BICDL1: variants seen among roughly 807,000 people sequenced by gnomAD.
BICDL1 encodes the protein BICD family-like cargo adapter 1.
A neutral mutation model predicts 76.8 loss-of-function variants in BICDL1; 20 were observed. The ratio of observed to expected loss-of-function variants is 0.26; its 90% CI spans 0.18 to 0.38. The LOEUF is 0.38. Among genes scored for constraint, BICDL1 ranks in the 10% least tolerant of loss-of-function variants. BICDL1 has a pLI of 1.00. For missense variants in BICDL1, 700 were observed against 798.6 expected (o/e 0.88, Z 1.49); for synonymous variants, 383 against 337.1 (o/e 1.14, Z -1.49).
chr12:120,080,402 G>A (rs549287062), intron 7 of BICDL1, among the ~76,000 whole-genome samples: 1 of 152,304 alleles, frequency 6.6e-6, no homozygotes, highest in Admixed American at 6.5e-5. Flanking sequence ...AAAGCGAGCT[G>A]GGCTGTGCCA....
At chr12:120,091,205 G>GC in intron 9 of BICDL1, 1 of 1,190,156 alleles carries the variant, frequency 8.4e-7, no homozygotes, top group Non-Finnish European at 1.1e-6. Context: ...CTCTTCAGCA[G>GC]TGTGTGGCCC....
At chr12:120,000,958 A>G (rs957088488) in intron 2 of BICDL1, among the ~76,000 whole-genome samples, 1 of 152,196 alleles carries the variant, frequency 6.6e-6, no homozygotes, top group Non-Finnish European at 1.5e-5. Context: ...CACTTTGCCT[A>G]ATTTCTTATA....
chr12:120,081,199 G>A (rs1208614487), intron 8 of BICDL1, among the ~76,000 whole-genome samples, 182 bp downstream of exon 8: 1 of 117,956 alleles, frequency 8.5e-6, no homozygotes, highest in Non-Finnish European at 1.7e-5. Context: ...ACACATGCTG[G>A]TATTGAAAGT....
intron 2 of BICDL1, among the ~76,000 whole-genome samples, chr12:120,053,523 A>G (rs1292441125): frequency 6.6e-6 from 1 of 152,112 alleles, no homozygotes; most frequent in Non-Finnish European, 1.5e-5. Context: ...TTGTTTATTG[A>G]TTAAATGGTC....
intron 2 of BICDL1, among the ~76,000 whole-genome samples, chr12:120,031,447 G>T (rs1300447252): frequency 6.6e-6 from 1 of 151,942 alleles, no homozygotes; most frequent in Admixed American, 6.6e-5. Context: ...CTCGTGATCT[G>T]CCCGCCTCAG....
chr12:120,064,921 T>C, intron 4 of BICDL1, 42 bp downstream of exon 4: 2 of 1,555,970 alleles, frequency 1.3e-6, no homozygotes, highest in Non-Finnish European at 1.7e-6. Flanking sequence ...TAGAGCCAGA[T>C]AAAAGGAGCA....
chr12:120,088,956 A>G (rs6490284), intron 8 of BICDL1, among the ~76,000 whole-genome samples: 52,241 of 152,124 alleles, frequency 0.34, 12,204 homozygotes, highest in African/African-American at 0.66. Flanking sequence ...GAGCCACCGC[A>G]CCCGGCCTAC....
chr12:120,008,698 A>G (rs1951897357), intron 2 of BICDL1, among the ~76,000 whole-genome samples: 1 of 152,190 alleles, frequency 6.6e-6, no homozygotes, highest in African/African-American at 2.4e-5. Context: ...TGCCTTTTAC[A>G]TCACTAGGTA....
intron 2 of BICDL1, among the ~76,000 whole-genome samples, chr12:120,058,923 G>T (rs1383260495): frequency 6.6e-6 from 1 of 151,908 alleles, no homozygotes; most frequent in African/African-American, 2.4e-5. Context: ...CAAATGAAAT[G>T]CCTAGCATTG....
Position 120,093,934 on chromosome 12 carries a change from G to C in BICDL1, c.*773G>C, listed in dbSNP as rs1053626002. On this transcript the variant is annotated 3_prime_UTR_variant, in exon 10 of 10. Transcript: ENST00000548673. ...CAGCCCTTTCCCCTGCTCAGGGCTGGGGTTGGACGGGGTCTCCTCCTCCCA... is the reference window on the plus strand; with the variant it reads ...CAGCCCTTTCCCCTGCTCAGGGCTGCGGTTGGACGGGGTCTCCTCCTCCCA... The C allele has an allele frequency of 3.1e-6, 1 of 318,206 alleles. No homozygotes were observed. Among genetic ancestry groups the C allele is most frequent in the Non-Finnish European group, 6.3e-6 (1 of 159,204 alleles). The allele number at this position is 318,206 out of a possible 1,614,324, so 19.7% of individuals were successfully genotyped here. A position where few individuals can be genotyped will look rare whatever the true frequency, so the allele number is the denominator to read the frequency against.
rs1489762638 is a variant in BICDL1, at chr12:120,056,578, G to T, written c.646-5132G>T. On this transcript the variant is annotated intron_variant, in intron 2 of 9. Transcript: ENST00000548673. ...TACTAAAAATACAAAAATTAGCTGGGCGTGGTAGTGCGCCTGTAATCCCAG... is the reference window on the plus strand; with the variant it reads ...TACTAAAAATACAAAAATTAGCTGGTCGTGGTAGTGCGCCTGTAATCCCAG... Among the ~76,000 whole-genome samples, 4 of 152,142 alleles carry T rather than the reference G, an allele frequency of 2.6e-5. No homozygotes were observed. In the East Asian group the frequency reaches 5.8e-4, roughly 22 times the overall value.
Position 120,071,914 on chromosome 12 carries a change from T to A in BICDL1, c.1089+113T>A. ...GCAAGGCTGTGCCCCTGTGCCTGTG[T>A]CAGCCCCTTGGCCTGCTGGCTAGAG... On this transcript the variant is annotated intron_variant, in intron 5 of 9. Transcript: ENST00000548673. This position sits in a 1 kb window ranked among gnomAD's most constrained non-coding sequence, Gnocchi z 4.8. 7.1e-7 allele frequency: 1 copy of A among 1,416,252 alleles called. No homozygotes were observed. Among genetic ancestry groups the A allele is most frequent in the Non-Finnish European group, 9.2e-7 (1 of 1,087,088 alleles). 87.7% of individuals were successfully genotyped at this position (1,416,252 alleles called of 1,614,324 possible).
chr12:120,084,148 A>T (rs1183235136), intron 8 of BICDL1, among the ~76,000 whole-genome samples: 1 of 152,132 alleles, frequency 6.6e-6, no homozygotes, highest in African/African-American at 2.4e-5. Flanking sequence ...GACTACAGGC[A>T]TGTGCCACCA....
intron 9 of BICDL1, chr12:120,092,190 G>A: frequency 1.0e-6 from 1 of 985,434 alleles, no homozygotes; most frequent in Non-Finnish European, 1.2e-6. Context: ...ACCAAAATGG[G>A]AAGGGAGTGG....
At chr12:120,063,839 A>G (rs557169640) in intron 3 of BICDL1, among the ~76,000 whole-genome samples, 1 of 152,216 alleles carries the variant, frequency 6.6e-6, no homozygotes, top group East Asian at 1.9e-4. Flanking sequence ...TGATCTTTTG[A>G]GTGAAGCATC....
At chr12:120,091,762 G>T (rs1446778878) in intron 9 of BICDL1, 1 of 985,262 alleles carries the variant, frequency 1.0e-6, no homozygotes, top group Non-Finnish European at 1.2e-6. Flanking sequence ...GCTGAAACCT[G>T]CAGAGATATT....
rs1189049206 is a variant in BICDL1, at chr12:120,090,877, G to A, written c.1704+806G>A. On this transcript the variant is annotated intron_variant, in intron 9 of 9. Coordinates refer to ENST00000548673, the MANE Select transcript of BICDL1 (RefSeq NM_001367886.1). Reference sequence around the variant, plus strand: ...GCAGCCAGCTGGCCGCGCCCTGGCTGACCGCTGCTCTCTCTCTTCTCTCCC... The same window carrying A: ...GCAGCCAGCTGGCCGCGCCCTGGCTAACCGCTGCTCTCTCTCTTCTCTCCC... The A allele has an allele frequency of 4.7e-6, 6 of 1,288,660 alleles. No homozygotes were observed. The South Asian group carries it at 7.4e-5, about 16-fold the overall frequency. 79.8% of individuals were successfully genotyped at this position (1,288,660 alleles called of 1,614,324 possible). A position where few individuals can be genotyped will look rare whatever the true frequency, so the allele number is the denominator to read the frequency against.
At chr12:120,045,214 A>G (rs1050593094) in intron 2 of BICDL1, among the ~76,000 whole-genome samples, 2 of 152,224 alleles carry the variant, frequency 1.3e-5, no homozygotes, top group African/African-American at 4.8e-5. Flanking sequence ...CAAAACCACA[A>G]TGACATACCA....
At chr12:120,011,821 A>G (rs1594111596) in intron 2 of BICDL1, among the ~76,000 whole-genome samples, 1 of 152,170 alleles carries the variant, frequency 6.6e-6, no homozygotes. Context: ...GAAGAATAGC[A>G]TTGTGCTTTA....
Sources: gnomAD v4.1 joint callset for allele counts (sites outside exome capture counted in the v4.1 genomes callset) on GRCh38, gnomAD v4.1.1 for gene constraint, Gnocchi (gnomAD v3.1) non-coding constraint, MANE v1.5 for transcripts, NCBI Gene and HGNC (gene_info 2026-07-23, HGNC 2026-07-21) for gene names.